Variants in OSBPL2 observed in about 807,000 individuals in gnomAD.
The protein encoded by OSBPL2 is oxysterol binding protein like 2.
A neutral mutation model predicts 58.4 loss-of-function variants in OSBPL2; 18 were observed. That is an observed-to-expected ratio of 0.31 (90% confidence interval 0.21 to 0.46). The LOEUF (loss-of-function observed/expected upper bound fraction) is 0.46, where lower values mean the gene tolerates loss of function less well. OSBPL2 is among the 20% of genes least tolerant of loss of function. The pLI is 1.00. For missense variants in OSBPL2, 461 were observed against 616.5 expected, an observed-to-expected ratio of 0.75 and a Z score of 2.67; for synonymous variants, 221 against 234.1, an observed-to-expected ratio of 0.94 and a Z score of 0.51.
intron 13 of OSBPL2, among the ~76,000 whole-genome samples, chr20:62,293,024 A>G (rs1173563578): frequency 1.3e-5 from 2 of 150,662 alleles, no homozygotes; most frequent in Non-Finnish European, 3.0e-5. Context: ...GCCTGCCACC[A>G]CGCCTGGCTA....
chr20:62,249,105 G>A (rs1448307408), intron 1 of OSBPL2, among the ~76,000 whole-genome samples: 1 of 152,220 alleles, frequency 6.6e-6, no homozygotes, highest in Non-Finnish European at 1.5e-5. Context: ...GCACCTTTAA[G>A]AAAGTGTGCT....
chr20:62,294,830 TG>T lies in OSBPL2; in HGVS notation c.*946del, dbSNP rs1983760109. 6.6e-6 allele frequency: 1 copy of T among 152,198 alleles called. No homozygotes were observed. Among genetic ancestry groups the T allele is most frequent in the African/African-American group, 2.4e-5 (1 of 41,444 alleles). 9.4% of individuals were successfully genotyped at this position (152,198 alleles called of 1,614,324 possible). A position where few individuals can be genotyped will look rare whatever the true frequency, so the allele number is the denominator to read the frequency against. On this transcript the variant is annotated 3_prime_UTR_variant, in exon 14 of 14. Coordinates refer to ENST00000313733, the MANE Select transcript of OSBPL2 (RefSeq NM_144498.4). ...AAGAATCACATCCGGTTGTGTCCTG[TG>T]GGAGGGTCAGAGGCAGAATCTACTT... is the stretch of plus-strand genomic sequence containing the variant.
At chr20:62,248,222 T>C (rs1043309257) in intron 1 of OSBPL2, among the ~76,000 whole-genome samples, 7 of 149,478 alleles carry the variant, frequency 4.7e-5, no homozygotes, top group African/African-American at 1.7e-4. Flanking sequence ...TGGCTAAATC[T>C]TGGCTCATTG....
chr20:62,252,173 T>C (rs969831228), intron 1 of OSBPL2, among the ~76,000 whole-genome samples: 2 of 151,586 alleles, frequency 1.3e-5, no homozygotes, highest in Admixed American at 1.3e-4. Flanking sequence ...CGGGAACCAC[T>C]GCACCTGGCC....
At chr20:62,272,345 A>G in intron 5 of OSBPL2, 86 bp downstream of exon 5, 1 of 1,472,800 alleles carries the variant, frequency 6.8e-7, no homozygotes, top group Non-Finnish European at 9.3e-7. Flanking sequence ...GGCCCCAGGC[A>G]TCTGTGAGGA....
intron 13 of OSBPL2, among the ~76,000 whole-genome samples, chr20:62,292,013 C>G (rs1011937992): frequency 7.2e-5 from 11 of 152,154 alleles, no homozygotes; most frequent in Non-Finnish European, 5.9e-5. Context: ...TGCCCCTGAC[C>G]CATGTGGTTC....
intron 6 of OSBPL2, among the ~76,000 whole-genome samples, chr20:62,275,403 C>CT (rs113767931): frequency 0.019 from 2,710 of 145,266 alleles, 37 homozygotes; most frequent in South Asian, 0.038. Context: ...TTTCTTGTTC[C>CT]TTTTTTTTTT....
chr20:62,246,399 A>G (rs1980117454), intron 1 of OSBPL2, among the ~76,000 whole-genome samples: 1 of 152,260 alleles, frequency 6.6e-6, no homozygotes, highest in Non-Finnish European at 1.5e-5. Context: ...GGGAGAGTCT[A>G]AGCTCAGCTC....
chr20:62,291,239 A>AACTTCTCATGC, intron 12 of OSBPL2: 2 of 242,616 alleles, frequency 8.2e-6, no homozygotes, highest in Non-Finnish European at 1.6e-5. Flanking sequence ...CATGCTTTGT[A>AACTTCTCATGC]TTCAGAATGT....
chr20:62,264,099 C>T (rs1371513331), intron 4 of OSBPL2, among the ~76,000 whole-genome samples: 1 of 151,012 alleles, frequency 6.6e-6, no homozygotes, highest in African/African-American at 2.4e-5. Context: ...AATGCACTCT[C>T]ATGTTTATAA....
intron 1 of OSBPL2, among the ~76,000 whole-genome samples, chr20:62,247,785 CTCCCTAG>C (rs1980230386): frequency 1.3e-5 from 2 of 151,982 alleles, no homozygotes; most frequent in Non-Finnish European, 2.9e-5. Context: ...CTGCCTCAGC[CTCCCTAG>C]TAGCTGGGAC....
At chr20:62,286,824 G>A (rs1983162617) in intron 11 of OSBPL2, 113 bp downstream of exon 11, 1 of 1,296,026 alleles carries the variant, frequency 7.7e-7, no homozygotes, top group African/African-American at 1.5e-5. Context: ...CCTCGCCTCA[G>A]CCTGTTGTCC....
chr20:62,255,469 G>T (rs541535202), intron 1 of OSBPL2, among the ~76,000 whole-genome samples: 1 of 151,904 alleles, frequency 6.6e-6, no homozygotes, highest in South Asian at 2.1e-4. Context: ...TGTAGATAAT[G>T]CTTTTAATTT....
At chr20:62,292,836 C>T (rs1237704789) in intron 13 of OSBPL2, among the ~76,000 whole-genome samples, 5 of 151,992 alleles carry the variant, frequency 3.3e-5, no homozygotes, top group Admixed American at 6.6e-5. Flanking sequence ...TGGAATTTGC[C>T]CTTAATCCAG....
chr20:62,291,692 TTGGATC>T lies in OSBPL2; in HGVS notation c.1250-10_1250-5del. On this transcript the variant is annotated splice_region_variant and splice_polypyrimidine_tract_variant and intron_variant, in intron 12 of 13. Coordinates refer to ENST00000313733, the MANE Select transcript of OSBPL2 (RefSeq NM_144498.4). ...TCTCTGTCTGACCTAAACTGTTTGC[TTGGATC>T]CTAGATCTGGCCAGCCAGGAGAAGG... is the stretch of plus-strand genomic sequence containing the variant. 1.2e-6 allele frequency: 2 copies of T among 1,613,372 alleles called. No homozygotes were observed. The highest frequency in any genetic ancestry group is 1.7e-6 in the Non-Finnish European group (2 of 1,179,722).
chr20:62,243,635 G>C (rs1344167104), intron 1 of OSBPL2, among the ~76,000 whole-genome samples: 1 of 152,270 alleles, frequency 6.6e-6, no homozygotes, highest in South Asian at 2.1e-4. Flanking sequence ...TGGGTTTCCC[G>C]GGAGGGGCCC....
intron 1 of OSBPL2, among the ~76,000 whole-genome samples, chr20:62,243,862 A>AT (rs1162994996): frequency 0.03 from 218 of 7,166 alleles, 1 homozygote; most frequent in Middle Eastern, 0.14. Flanking sequence ...ATTAAAAAAA[A>AT]ATTTTTTTTG....
chr20:62,281,869 C>T lies in OSBPL2; in HGVS notation c.862C>T (p.Gln288Ter). 1 of 1,610,160 alleles carries T rather than the reference C, an allele frequency of 6.2e-7. No homozygotes were observed. Among genetic ancestry groups the T allele is most frequent in the Non-Finnish European group, 8.5e-7 (1 of 1,176,530 alleles). ...ACTTCACAAGGTGGAAGGACACATTCAAGACAAAAAGTAGGTCCTTGCCAA... is the reference window on the plus strand; with the variant it reads ...ACTTCACAAGGTGGAAGGACACATTTAAGACAAAAAGTAGGTCCTTGCCAA... ...KELHKVEGHIQDKNKKKLFMI... is the reference protein window; with the variant it reads ...KELHKVEGHI The change falls in exon 9 of 14, where the codon CAA becomes TAA. Residue 288 changes from glutamine (Q) to a stop codon, truncating the protein, a stop_gained. Coordinates refer to ENST00000313733, the MANE Select transcript of OSBPL2 (RefSeq NM_144498.4). LOFTEE classifies it high-confidence loss of function.
intron 3 of OSBPL2, among the ~76,000 whole-genome samples, chr20:62,262,459 G>A (rs1031083171): frequency 6.6e-6 from 1 of 152,212 alleles, no homozygotes; most frequent in Non-Finnish European, 1.5e-5. Flanking sequence ...CTGACCTTCT[G>A]CAGAGCCACT....
Sources: allele counts gnomAD v4.1 joint callset (sites outside exome capture counted in the v4.1 genomes callset), GRCh38; gene constraint gnomAD v4.1.1; transcripts MANE v1.5; gene names NCBI Gene and HGNC (gene_info 2026-07-23, HGNC 2026-07-21).